The following TMEM170B variants were observed in gnomAD, a reference collection of about 807,000 sequenced individuals.
The protein encoded by TMEM170B is transmembrane protein 170B.
A neutral mutation model predicts 13.0 loss-of-function variants in TMEM170B; 6 were observed. The ratio of observed to expected loss-of-function variants is 0.46; its 90% CI spans 0.25 to 0.91. The LOEUF is 0.91. Among genes scored for constraint, TMEM170B ranks in the 40% least tolerant of loss-of-function variants. The pLI, the probability that TMEM170B is intolerant of heterozygous loss-of-function variation, is 0.17. For missense variants in TMEM170B, 138 were observed against 165.2 expected, an observed-to-expected ratio of 0.84 and a Z score of 0.90; for synonymous variants, 61 against 64.9, an observed-to-expected ratio of 0.94 and a Z score of 0.29.
rs1759926969 is a variant in TMEM170B at position 11,579,752 on chromosome 6, CT to C, written c.*4192del. 6.6e-6 allele frequency: 1 copy of C among 152,214 alleles called. No homozygotes were observed. Among genetic ancestry groups the C allele is most frequent in the Non-Finnish European group, 1.5e-5 (1 of 68,046 alleles). The allele number at this position is 152,214 out of a possible 1,614,324, so 9.4% of individuals were successfully genotyped here. ...AGGTAGTCAGCCTTGACTCCCTTATCTATTCCCACTTACTTCCCTTGGATTC... is the reference window on the plus strand; with the variant it reads ...AGGTAGTCAGCCTTGACTCCCTTATCATTCCCACTTACTTCCCTTGGATTC... On this transcript the variant is annotated 3_prime_UTR_variant, in exon 3 of 3. Coordinates refer to ENST00000379426, the MANE Select transcript of TMEM170B (RefSeq NM_001100829.3).
intron 2 of TMEM170B, among the ~76,000 whole-genome samples, chr6:11,574,450 A>C (rs535234244): frequency 6.6e-6 from 1 of 152,112 alleles, no homozygotes; most frequent in African/African-American, 2.4e-5. Flanking sequence ...ATTATATTCT[A>C]ATTTTCATGA....
At chr6:11,573,920 T>C (rs926754241) in intron 2 of TMEM170B, among the ~76,000 whole-genome samples, 2 of 152,228 alleles carry the variant, frequency 1.3e-5, no homozygotes, top group Admixed American at 6.5e-5. Context: ...TGACCAATTA[T>C]ACAAGTGATT....
chr6:11,553,516 A>T lies in TMEM170B; in HGVS notation c.98-12150A>T, dbSNP rs1003985547. Among the ~76,000 whole-genome samples, 50 of 152,124 alleles carry T rather than the reference A, an allele frequency of 3.3e-4. 1 individual carries two copies. Among genetic ancestry groups the T allele is most frequent in the Admixed American group, 2.6e-4 (4 of 15,274 alleles). The stretch of plus-strand genomic sequence containing the variant: ...GATCCTTGAATGTATGAGTCAAAAA[A>T]TTTTTTAGCCTCAACTTCTACTAGC... On this transcript the variant is annotated intron_variant, in intron 1 of 2. Coordinates refer to ENST00000379426, the MANE Select transcript of TMEM170B (RefSeq NM_001100829.3).
At chr6:11,572,558 G>A (rs944964981) in intron 2 of TMEM170B, among the ~76,000 whole-genome samples, 1 of 152,024 alleles carries the variant, frequency 6.6e-6, no homozygotes, top group East Asian at 1.9e-4. Flanking sequence ...AATTTTAGGG[G>A]TGTTTTAGGC....
chr6:11,539,841 A>C (rs981528214), intron 1 of TMEM170B, among the ~76,000 whole-genome samples: 11 of 152,222 alleles, frequency 7.2e-5, no homozygotes, highest in African/African-American at 2.7e-4. Flanking sequence ...GTAGGGACTT[A>C]ACATATATTT....
At chr6:11,564,095 G>A (rs962333693) in intron 1 of TMEM170B, among the ~76,000 whole-genome samples, 1 of 152,218 alleles carries the variant, frequency 6.6e-6, no homozygotes, top group Non-Finnish European at 1.5e-5. Context: ...TTAAAACTGA[G>A]TAATTTTTCC....
intron 2 of TMEM170B, among the ~76,000 whole-genome samples, chr6:11,567,833 G>A (rs1582145758): frequency 6.6e-6 from 1 of 152,166 alleles, no homozygotes; most frequent in Non-Finnish European, 1.5e-5. Flanking sequence ...AGAGGGCCTT[G>A]GAAAGCTATC....
At chr6:11,564,021 T>C (rs1759704878) in intron 1 of TMEM170B, among the ~76,000 whole-genome samples, 2 of 152,240 alleles carry the variant, frequency 1.3e-5, no homozygotes, top group Non-Finnish European at 2.9e-5. Flanking sequence ...TTTATTTCAC[T>C]TAGCATAATG....
intron 2 of TMEM170B, among the ~76,000 whole-genome samples, chr6:11,572,141 G>C (rs1268033033): frequency 6.6e-6 from 1 of 152,130 alleles, no homozygotes; most frequent in Non-Finnish European, 1.5e-5. Flanking sequence ...ATACCATAGG[G>C]CTGAGCAGTT....
intron 1 of TMEM170B, among the ~76,000 whole-genome samples, chr6:11,563,539 C>T (rs1211987948): frequency 6.6e-6 from 1 of 152,210 alleles, no homozygotes; most frequent in African/African-American, 2.4e-5. Context: ...AAAGTCTGCG[C>T]TTCCCATATT....
chr6:11,572,848 A>G (rs2113782779), intron 2 of TMEM170B, among the ~76,000 whole-genome samples: 1 of 152,190 alleles, frequency 6.6e-6, no homozygotes, highest in South Asian at 2.1e-4. Context: ...GAGAATATGT[A>G]TTGTTTTATG....
At chr6:11,569,255 A>C (rs148199150) in intron 2 of TMEM170B, among the ~76,000 whole-genome samples, 1 of 152,156 alleles carries the variant, frequency 6.6e-6, no homozygotes, top group African/African-American at 2.4e-5. Context: ...TTTATCAGTT[A>C]CCTTCATCCA....
intron 2 of TMEM170B, among the ~76,000 whole-genome samples, chr6:11,566,394 C>T (rs1296932518): frequency 1.3e-5 from 2 of 152,156 alleles, no homozygotes; most frequent in Admixed American, 6.5e-5. Context: ...AGGTTCATTC[C>T]CTCTGGACTT....
At chr6:11,540,340 T>C (rs942746071) in intron 1 of TMEM170B, among the ~76,000 whole-genome samples, 1 of 152,216 alleles carries the variant, frequency 6.6e-6, no homozygotes, top group Non-Finnish European at 1.5e-5. Context: ...TGCTGCGGCT[T>C]TATCAACCGA....
intron 1 of TMEM170B, among the ~76,000 whole-genome samples, chr6:11,562,777 C>T (rs1476317945): frequency 1.3e-5 from 2 of 152,086 alleles, no homozygotes; most frequent in Non-Finnish European, 2.9e-5. Context: ...TACACTTGTA[C>T]TCTTCTCTAT....
At chr6:11,564,298 G>C (rs753880246) in intron 1 of TMEM170B, among the ~76,000 whole-genome samples, 8 of 152,174 alleles carry the variant, frequency 5.3e-5, no homozygotes, top group African/African-American at 4.8e-5. Context: ...TTAACTTCTT[G>C]AGGAGCCTCC....
At position 11,551,832 on chromosome 6, in the gene TMEM170B, G is replaced by A. The variant is rs561159551; in HGVS notation, c.97+13458G>A. On this transcript the variant is annotated intron_variant, in intron 1 of 2. Transcript: ENST00000379426. ...AACCTGTTCATGGGAGGGTAGAGAG[G>A]CAGGAGAGGTGAACTGCCTATGGGT... Among the ~76,000 whole-genome samples the A allele has an allele frequency of 3.3e-5, 5 of 152,326 alleles. No individual in the cohort carries two copies. In the East Asian group the frequency reaches 9.7e-4, roughly 29 times the overall value.
At chr6:11,565,948 T>C (rs1759726700) in intron 2 of TMEM170B, 112 bp downstream of exon 2, 2 of 974,332 alleles carry the variant, frequency 2.1e-6, no homozygotes, top group East Asian at 4.8e-5. Flanking sequence ...GTAGATTATT[T>C]TTCAACACTT....
At chr6:11,564,953 ATG>A (rs1474123264) in intron 1 of TMEM170B, among the ~76,000 whole-genome samples, 13 of 152,178 alleles carry the variant, frequency 8.5e-5, no homozygotes, top group Non-Finnish European at 1.6e-4. Context: ...TGGGAACTAT[ATG>A]GAGTGACTGG....
Sources: gnomAD v4.1 joint callset for allele counts (sites outside exome capture counted in the v4.1 genomes callset) on GRCh38, gnomAD v4.1.1 for gene constraint, MANE v1.5 for transcripts, NCBI Gene and HGNC (gene_info 2026-07-23, HGNC 2026-07-21) for gene names.